Variants in GALNT13 observed in about 807,000 individuals in gnomAD.
GALNT13 encodes the protein UDP-GalNAc:polypeptide N-acetylgalactosaminyltransferase 13.
GALNT13 carries 28 observed loss-of-function variants against 64.2 expected under a neutral mutation model. The ratio of observed to expected loss-of-function variants is 0.44; its 90% CI spans 0.32 to 0.60. The LOEUF is 0.60. Among genes scored for constraint, GALNT13 ranks in the 20% least tolerant of loss-of-function variants. The pLI is 0.05. For missense variants in GALNT13, 577 were observed against 669.8 expected (o/e 0.86, Z 1.53); for synonymous variants, 214 against 224.6 (o/e 0.95, Z 0.42).
chr2:153,426,340 A>G, the GALNT13 span, among the ~76,000 whole-genome samples: 1 of 151,854 alleles, frequency 6.6e-6, no homozygotes, highest in Non-Finnish European at 1.5e-5. Flanking sequence ...AGCAGAGGGC[A>G]CTAATTTGCA....
the GALNT13 span, among the ~76,000 whole-genome samples, chr2:153,345,675 C>CT: frequency 1.4e-5 from 2 of 139,906 alleles, no homozygotes; most frequent in African/African-American, 2.7e-5. Context: ...TTCTTTCTTT[C>CT]TTTCTTTCTT....
At chr2:154,180,568 A>C (rs1685904525) in intron 4 of GALNT13, among the ~76,000 whole-genome samples, 1 of 152,068 alleles carries the variant, frequency 6.6e-6, no homozygotes, top group African/African-American at 2.4e-5. Context: ...TGCATTTTGG[A>C]AACTTTTTTA....
the GALNT13 span, among the ~76,000 whole-genome samples, chr2:153,456,062 C>T: frequency 4.6e-5 from 7 of 152,268 alleles, no homozygotes; most frequent in South Asian, 1.5e-3. Context: ...CTGCGACGCC[C>T]AGCCATAGTT....
chr2:153,246,713 A>G, the GALNT13 span, among the ~76,000 whole-genome samples: 1 of 152,062 alleles, frequency 6.6e-6, no homozygotes, highest in Non-Finnish European at 1.5e-5. Flanking sequence ...ATAAAGACCA[A>G]TGACACCATA....
At chr2:154,154,451 A>G (rs574050981) in intron 4 of GALNT13, among the ~76,000 whole-genome samples, 1 of 152,230 alleles carries the variant, frequency 6.6e-6, no homozygotes, top group Non-Finnish European at 1.5e-5. Context: ...ATAGTCAACA[A>G]GGAGATTTTA....
chr2:153,649,616 C>T, the GALNT13 span, among the ~76,000 whole-genome samples: 2 of 151,982 alleles, frequency 1.3e-5, no homozygotes, highest in African/African-American at 4.8e-5. Context: ...CTATAAATTT[C>T]CCTCTACACA....
At chr2:153,716,669 C>A in the GALNT13 span, among the ~76,000 whole-genome samples, 2 of 152,090 alleles carry the variant, frequency 1.3e-5, no homozygotes, top group South Asian at 2.1e-4. Context: ...CAATGACCAC[C>A]AAAGACCTTT....
intron 3 of GALNT13, among the ~76,000 whole-genome samples, chr2:153,954,097 C>T (rs4369813): frequency 6.6e-6 from 1 of 152,068 alleles, no homozygotes; most frequent in Non-Finnish European, 1.5e-5. Flanking sequence ...TTGATTTTGT[C>T]TGATTAATCT....
the GALNT13 span, among the ~76,000 whole-genome samples, chr2:153,620,349 C>T: frequency 1.3e-5 from 2 of 151,988 alleles, no homozygotes; most frequent in African/African-American, 4.8e-5. Context: ...GTCTTGAACA[C>T]CTGGTCTCAA....
intron 9 of GALNT13, among the ~76,000 whole-genome samples, chr2:154,319,651 C>G (rs1694515978): frequency 7.0e-6 from 1 of 142,526 alleles, no homozygotes; most frequent in Admixed American, 7.2e-5. Context: ...GGTGACAAAG[C>G]AAGACTCTGA....
chr2:153,371,927 A>G, the GALNT13 span, among the ~76,000 whole-genome samples: 1 of 152,208 alleles, frequency 6.6e-6, no homozygotes, highest in African/African-American at 2.4e-5. Context: ...AGTGGGCTTC[A>G]CTTGGAATGA....
intron 3 of GALNT13, among the ~76,000 whole-genome samples, chr2:154,002,573 T>C (rs2105224635): frequency 6.6e-6 from 1 of 152,292 alleles, no homozygotes; most frequent in Non-Finnish European, 1.5e-5. Flanking sequence ...ACATATTTTC[T>C]TGTGATTCTC....
At chr2:153,467,381 C>T in the GALNT13 span, among the ~76,000 whole-genome samples, 4 of 152,064 alleles carry the variant, frequency 2.6e-5, no homozygotes, top group South Asian at 6.2e-4. Flanking sequence ...CAAAGCTGTA[C>T]GGGTGGATCC....
the GALNT13 span, among the ~76,000 whole-genome samples, chr2:153,795,688 C>T: frequency 3.3e-5 from 5 of 152,270 alleles, no homozygotes; most frequent in South Asian, 1.0e-3. Flanking sequence ...TCCTTGAAGA[C>T]AGATATTCAT....
the GALNT13 span, among the ~76,000 whole-genome samples, chr2:153,242,092 A>G: frequency 7.2e-5 from 11 of 152,184 alleles, no homozygotes; most frequent in Non-Finnish European, 1.2e-4. Flanking sequence ...ATCTTGAACA[A>G]TTAAAAGCCT....
the GALNT13 span, among the ~76,000 whole-genome samples, chr2:153,433,717 T>A: frequency 6.6e-6 from 1 of 152,170 alleles, no homozygotes; most frequent in Admixed American, 6.5e-5. Flanking sequence ...TCCATGTACT[T>A]CAACAACTTT....
chr2:153,488,244 C>A, the GALNT13 span, among the ~76,000 whole-genome samples: 1 of 152,186 alleles, frequency 6.6e-6, no homozygotes, highest in Non-Finnish European at 1.5e-5. Flanking sequence ...AGAGAAGGCA[C>A]TTCCGCCTGG....
intron 1 of GALNT13, among the ~76,000 whole-genome samples, chr2:153,887,597 A>G (rs546513701): frequency 6.6e-6 from 1 of 152,036 alleles, no homozygotes; most frequent in South Asian, 2.1e-4. Context: ...GATATTATAC[A>G]CATTATACAC....
At chr2:153,525,218 G>T in the GALNT13 span, among the ~76,000 whole-genome samples, 1 of 152,142 alleles carries the variant, frequency 6.6e-6, no homozygotes, top group Admixed American at 6.6e-5. Context: ...TAGCTAAAGA[G>T]CCCTTGCGCC....
Sources: gnomAD v4.1 joint callset for allele counts (sites outside exome capture counted in the v4.1 genomes callset) on GRCh38, gnomAD v4.1.1 for gene constraint, MANE v1.5 for transcripts, NCBI Gene and HGNC (gene_info 2026-07-23, HGNC 2026-07-21) for gene names.